GRM7: variants seen among roughly 807,000 people sequenced by gnomAD.
GRM7 encodes the protein metabotropic glutamate receptor 7.
Under a neutral mutation model 84.5 loss-of-function variants are expected in GRM7, and 35 were observed. The observed-to-expected ratio is 0.41, with a 90% CI of 0.32 to 0.55. The LOEUF (loss-of-function observed/expected upper bound fraction) is 0.55. Among genes scored for constraint, GRM7 ranks in the 20% least tolerant of loss-of-function variants. The probability of loss-of-function intolerance (pLI) is 0.19; values close to 1 mark genes in which losing one functional copy is unlikely to be tolerated. For missense variants in GRM7, 1,003 were observed against 1,194.6 expected (o/e 0.84, Z 2.36); for synonymous variants, 487 against 455.1 (o/e 1.07, Z -0.89).
intron 7 of GRM7, among the ~76,000 whole-genome samples, chr3:7,547,405 A>G (rs1349022657): frequency 1.3e-5 from 2 of 151,698 alleles, no homozygotes; most frequent in African/African-American, 2.4e-5. Flanking sequence ...ATGGGGTTTC[A>G]CTGTGTTAGC....
At chr3:7,331,019 A>G (rs1304049167) in intron 4 of GRM7, among the ~76,000 whole-genome samples, 1 of 152,146 alleles carries the variant, frequency 6.6e-6, no homozygotes, top group East Asian at 1.9e-4. Flanking sequence ...TATCTTACTT[A>G]CCTTGTTGAT....
At chr3:7,698,799 C>A (rs1260518789) in intron 9 of GRM7, among the ~76,000 whole-genome samples, 1 of 152,080 alleles carries the variant, frequency 6.6e-6, no homozygotes, top group Admixed American at 6.6e-5. Context: ...AGTTAAGTAC[C>A]CCCGGGCTAC....
chr3:7,609,188 C>T (rs368856636), intron 8 of GRM7, among the ~76,000 whole-genome samples: 34 of 152,082 alleles, frequency 2.2e-4, no homozygotes, highest in African/African-American at 8.0e-4. Flanking sequence ...CAAGAAAGAA[C>T]ATTTACAGGG....
chr3:7,319,050 G>T (rs533040563), intron 4 of GRM7, among the ~76,000 whole-genome samples: 1 of 152,110 alleles, frequency 6.6e-6, no homozygotes, highest in Admixed American at 6.6e-5. Context: ...AACTTTAATT[G>T]AGTTCAACCT....
chr3:7,353,064 G>T (rs991383258), intron 4 of GRM7, among the ~76,000 whole-genome samples: 1 of 151,944 alleles, frequency 6.6e-6, no homozygotes, highest in South Asian at 2.1e-4. Context: ...AGCAGCTTTT[G>T]GGCTGTGTAT....
intron 2 of GRM7, among the ~76,000 whole-genome samples, chr3:7,267,726 G>T (rs190218627): frequency 2.0e-5 from 3 of 152,280 alleles, no homozygotes; most frequent in Admixed American, 1.3e-4. Flanking sequence ...CGGAAAACGG[G>T]CAATAGGGAG....
intron 1 of GRM7, among the ~76,000 whole-genome samples, chr3:7,042,628 T>C (rs112911444): frequency 0.024 from 3,677 of 151,974 alleles, 153 homozygotes; most frequent in African/African-American, 0.085. Flanking sequence ...TTATCTGGAG[T>C]ATTTTTTTCT....
intron 8 of GRM7, among the ~76,000 whole-genome samples, chr3:7,583,638 C>T (rs185090586): frequency 1.3e-5 from 2 of 152,246 alleles, no homozygotes; most frequent in East Asian, 1.9e-4. Context: ...AAAGATTAAT[C>T]GACTTAAAGA....
chr3:7,724,690 G>T (rs766473068), intron 9 of GRM7, among the ~76,000 whole-genome samples: 2 of 152,146 alleles, frequency 1.3e-5, no homozygotes, highest in Non-Finnish European at 2.9e-5. Context: ...TTGAGTTGGG[G>T]CCTGTTTGTC....
intron 2 of GRM7, among the ~76,000 whole-genome samples, chr3:7,200,052 A>T (rs1042471415): frequency 2.6e-5 from 4 of 152,178 alleles, no homozygotes; most frequent in African/African-American, 9.6e-5. Flanking sequence ...AACATGGTAA[A>T]ATGGCGAAGT....
intron 9 of GRM7, among the ~76,000 whole-genome samples, chr3:7,703,996 G>A (rs1426835109): frequency 6.6e-6 from 1 of 152,102 alleles, no homozygotes; most frequent in Non-Finnish European, 1.5e-5. Flanking sequence ...CATTTCTGCT[G>A]GGTTCCATTG....
chr3:7,678,556 T>C lies in GRM7; in HGVS notation c.2452-1493T>C, dbSNP rs111341267. On this transcript the variant is annotated intron_variant, in intron 8 of 9. Transcript: ENST00000357716. ...GAATGACATTAAAAGTCTAAAGGTA[T>C]GCTAGTAGGGAAATATGAACTTTAA... 8.1e-4 allele frequency among the ~76,000 whole-genome samples: 123 copies of C among 152,342 alleles called. 1 individual carries two copies. The highest frequency in any genetic ancestry group is 2.9e-3 in the African/African-American group (120 of 41,582).
At position 7,060,698 on chromosome 3, in the gene GRM7, GAT is replaced by G. The variant is rs1021148356; in HGVS notation, c.520-85753_520-85752del. On this transcript the variant is annotated intron_variant, in intron 1 of 9. Coordinates refer to ENST00000357716, the MANE Select transcript of GRM7 (RefSeq NM_000844.4). ...GACTCAAATGGCTTTTTGGATTAAT[GAT>G]GTCTAATAAAAATAAATGCATGTTT... 1.3e-4 allele frequency among the ~76,000 whole-genome samples: 19 copies of G among 151,296 alleles called. No individual in the cohort carries two copies. The Middle Eastern group carries it at 0.01, about 81-fold the overall frequency.
chr3:7,242,955 A>T (rs1332768366), intron 2 of GRM7, among the ~76,000 whole-genome samples: 3 of 151,852 alleles, frequency 2.0e-5, no homozygotes, highest in African/African-American at 7.3e-5. Flanking sequence ...AAATCCCTTA[A>T]AGGTAACCTA....
intron 1 of GRM7, among the ~76,000 whole-genome samples, chr3:6,993,383 A>G (rs1694716817): frequency 6.6e-6 from 1 of 152,208 alleles, no homozygotes; most frequent in Admixed American, 6.5e-5. Context: ...TCGAACAAAT[A>G]TAACATACCA....
At chr3:7,528,994 G>T (rs1245396609) in intron 7 of GRM7, among the ~76,000 whole-genome samples, 1 of 152,024 alleles carries the variant, frequency 6.6e-6, no homozygotes, top group Non-Finnish European at 1.5e-5. Context: ...TTCTGTAATT[G>T]TTGAGTAGTA....
intron 5 of GRM7, among the ~76,000 whole-genome samples, chr3:7,423,174 G>T (rs1696466928): frequency 6.6e-6 from 1 of 152,128 alleles, no homozygotes; most frequent in African/African-American, 2.4e-5. Context: ...CTACCATACA[G>T]CACTTTAAGT....
In GRM7 at chr3:7,269,138, C is replaced by A. The variant is rs1000907219; in HGVS notation, c.737-29546C>A. 3.9e-5 allele frequency among the ~76,000 whole-genome samples: 6 copies of A among 152,340 alleles called. 1 individual carries two copies. In the South Asian group the frequency reaches 1.0e-3, roughly 26 times the overall value. Reference sequence around the variant, plus strand: ...ATGACCTGGAAGGCTGTGCTCAAAGCAAGGCATGCTTTTCCATCGAAGCAC... The same window carrying A: ...ATGACCTGGAAGGCTGTGCTCAAAGAAAGGCATGCTTTTCCATCGAAGCAC... On this transcript the variant is annotated intron_variant, in intron 2 of 9. Coordinates refer to ENST00000357716, the MANE Select transcript of GRM7 (RefSeq NM_000844.4).
At chr3:7,568,908 C>T (rs1266858039) in intron 7 of GRM7, among the ~76,000 whole-genome samples, 1 of 152,092 alleles carries the variant, frequency 6.6e-6, no homozygotes, top group African/African-American at 2.4e-5. Flanking sequence ...GCCCCAGCCT[C>T]CCGGACGAGC....
Sources: gnomAD v4.1 joint callset for allele counts (sites outside exome capture counted in the v4.1 genomes callset) on GRCh38, gnomAD v4.1.1 for gene constraint, MANE v1.5 for transcripts, NCBI Gene and HGNC (gene_info 2026-07-23, HGNC 2026-07-21) for gene names.